SLC2A9: variants seen among roughly 807,000 people sequenced by gnomAD.
SLC2A9 encodes the protein solute carrier family 2 member 9, also known as solute carrier family 2, facilitated glucose transporter member 9.
In SLC2A9, 39 loss-of-function variants were observed where a neutral mutation model predicts 50.6. The observed-to-expected ratio is 0.77, with a 90% CI of 0.60 to 1.01. The LOEUF is 1.01. Ranked by LOEUF, SLC2A9 falls within the 50% of genes least tolerant of loss-of-function variation. SLC2A9 has a pLI of 0.00. For synonymous variants in SLC2A9, 324 were observed against 276.9 expected (o/e 1.17, Z -1.69); for missense variants, 686 against 677.6 (o/e 1.01, Z -0.14).
chr4:9,847,194 G>T (rs1283127338), intron 10 of SLC2A9, among the ~76,000 whole-genome samples: 1 of 152,230 alleles, frequency 6.6e-6, no homozygotes, highest in African/African-American at 2.4e-5. Context: ...ATGAAGAAAA[G>T]AGGCTTAATT....
chr4:9,938,426 C>T (rs900992818), intron 6 of SLC2A9, among the ~76,000 whole-genome samples: 1 of 152,028 alleles, frequency 6.6e-6, no homozygotes, highest in African/African-American at 2.4e-5. Context: ...CGCCTGCCAA[C>T]ACGCCCGGCT....
intron 6 of SLC2A9, 52 bp from the exon 7 acceptor site, chr4:9,920,624 T>A: frequency 6.2e-7 from 1 of 1,606,586 alleles, no homozygotes. Flanking sequence ...GTGTCCATCA[T>A]GTCTAATGCT....
chr4:9,923,857 C>T (rs1223831890), intron 6 of SLC2A9: 1 of 152,336 alleles, frequency 6.6e-6, no homozygotes, highest in African/African-American at 2.4e-5. Flanking sequence ...TGGCTCTTTC[C>T]TCAATCTGGA....
chr4:9,968,085 A>G (rs1753326485), intron 5 of SLC2A9, among the ~76,000 whole-genome samples: 1 of 152,200 alleles, frequency 6.6e-6, no homozygotes, highest in African/African-American at 2.4e-5. Flanking sequence ...AATTTACAAG[A>G]AGTTCTGATT....
At chr4:9,799,732 C>G (rs1189680580) in intron 3 of SLC2A9, among the ~76,000 whole-genome samples, 1 of 118,814 alleles carries the variant, frequency 8.4e-6, no homozygotes, top group African/African-American at 3.2e-5. Flanking sequence ...TTTGGTGAAG[C>G]CCTATGTAAT....
At chr4:10,027,087 C>A (rs1197962747) in intron 1 of SLC2A9, among the ~76,000 whole-genome samples, 2 of 152,046 alleles carry the variant, frequency 1.3e-5, no homozygotes, top group East Asian at 3.9e-4. Context: ...AAAGCGACAT[C>A]TTTTATGATT....
intron 10 of SLC2A9, among the ~76,000 whole-genome samples, chr4:9,855,088 T>G (rs1158936317): frequency 6.6e-6 from 1 of 152,064 alleles, no homozygotes; most frequent in South Asian, 2.1e-4. Flanking sequence ...CTATTCAACA[T>G]AGTACTGGAA....
At chr4:9,825,192 C>G (rs531633698), downstream of SLC2A9, among the ~76,000 whole-genome samples, 1 of 152,146 alleles carries the variant, frequency 6.6e-6, no homozygotes, top group African/African-American at 2.4e-5. Flanking sequence ...ATTTTAGAAG[C>G]AAGTATAGGA....
intron 10 of SLC2A9, among the ~76,000 whole-genome samples, chr4:9,854,884 C>T (rs1292058590): frequency 6.6e-6 from 1 of 152,158 alleles, no homozygotes; most frequent in Non-Finnish European, 1.5e-5. Flanking sequence ...TCAATAGATG[C>T]AGAAACGGCT....
intron 2 of SLC2A9, among the ~76,000 whole-genome samples, chr4:10,014,394 A>G (rs955651175): frequency 1.3e-5 from 2 of 152,212 alleles, no homozygotes; most frequent in Non-Finnish European, 2.9e-5. Context: ...TGCTCAGCTC[A>G]CACTCAGGGC....
chr4:9,915,745 C>T (rs1233108422), intron 7 of SLC2A9, among the ~76,000 whole-genome samples: 2 of 152,176 alleles, frequency 1.3e-5, no homozygotes, highest in African/African-American at 4.8e-5. Flanking sequence ...CAGCTTTCTC[C>T]CTGTTCATCA....
intron 5 of SLC2A9, among the ~76,000 whole-genome samples, chr4:9,980,018 T>C (rs1193162884): frequency 1.3e-5 from 2 of 150,000 alleles, no homozygotes; most frequent in African/African-American, 5.1e-5. Context: ...CCCACCCCAT[T>C]CGACCTGAGT....
At chr4:10,012,224 G>A (rs1761881351) in intron 2 of SLC2A9, among the ~76,000 whole-genome samples, 2 of 152,198 alleles carry the variant, frequency 1.3e-5, no homozygotes, top group Admixed American at 6.5e-5. Context: ...TAGTGGAACA[G>A]AAAGAAGGGA....
At chr4:9,783,351 A>G in intron 3 of SLC2A9, 6 of 1,614,238 alleles carry the variant, frequency 3.7e-6, no homozygotes, top group Non-Finnish European at 5.1e-6. Context: ...TTCCAGATCT[A>G]TCAGACGTCC....
intron 10 of SLC2A9, chr4:9,879,384 G>A: frequency 2.6e-6 from 1 of 387,364 alleles, no homozygotes; most frequent in Non-Finnish European, 3.5e-6. Flanking sequence ...ATGTGTGTAT[G>A]TGTGTGTGTG....
chr4:9,967,660 T>C (rs1205455563), intron 5 of SLC2A9, among the ~76,000 whole-genome samples: 1 of 151,716 alleles, frequency 6.6e-6, no homozygotes, highest in African/African-American at 2.4e-5. Context: ...ACAAAAAGAA[T>C]CCAGTAAATA....
At chr4:9,877,978 A>C (rs774040102) in intron 10 of SLC2A9, among the ~76,000 whole-genome samples, 16 of 152,068 alleles carry the variant, frequency 1.1e-4, no homozygotes, top group Non-Finnish European at 1.9e-4. Flanking sequence ...CAGCCAATGC[A>C]GTTGAGAGTG....
intron 8 of SLC2A9, among the ~76,000 whole-genome samples, chr4:9,900,208 T>G (rs1201982796): frequency 6.6e-6 from 1 of 152,052 alleles, no homozygotes; most frequent in Admixed American, 6.6e-5. Context: ...CACAAGGGGA[T>G]GGTAAATGCT....
intron 11 of SLC2A9, among the ~76,000 whole-genome samples, chr4:9,833,930 C>G (rs188350953): frequency 6.6e-6 from 1 of 152,292 alleles, no homozygotes; most frequent in African/African-American, 2.4e-5. Flanking sequence ...CTTCTGGGCC[C>G]CTTGCTCTGT....
Sources: allele counts gnomAD v4.1 joint callset (sites outside exome capture counted in the v4.1 genomes callset), GRCh38; gene constraint gnomAD v4.1.1; transcripts MANE v1.5; gene names NCBI Gene and HGNC (gene_info 2026-07-23, HGNC 2026-07-21).